Variants in TRHDE observed in about 807,000 individuals in gnomAD.
TRHDE encodes the protein thyrotropin releasing hormone degrading enzyme.
TRHDE carries 72 observed loss-of-function variants against 125.7 expected under a neutral mutation model. That is an observed-to-expected ratio of 0.57 (90% confidence interval 0.47 to 0.70). The LOEUF (loss-of-function observed/expected upper bound fraction) is 0.70. Among genes scored for constraint, TRHDE ranks in the 30% least tolerant of loss-of-function variants. The probability of loss-of-function intolerance (pLI) is 0.00; values close to 1 mark genes in which losing one functional copy is unlikely to be tolerated. For synonymous variants in TRHDE, 509 were observed against 509.1 expected, an observed-to-expected ratio of 1.00 and a Z score of 0.00; for missense variants, 1,110 against 1,327.1, an observed-to-expected ratio of 0.84 and a Z score of 2.54.
chr12:72,330,175 C>T (rs1869521260), intron 2 of TRHDE, among the ~76,000 whole-genome samples: 1 of 152,070 alleles, frequency 6.6e-6, no homozygotes, highest in South Asian at 2.1e-4. Context: ...ACAGGCAGTG[C>T]CCAAAATGCC....
intron 15 of TRHDE, among the ~76,000 whole-genome samples, chr12:72,647,574 A>G (rs1874333020): frequency 1.3e-5 from 2 of 152,018 alleles, no homozygotes; most frequent in Non-Finnish European, 2.9e-5. Flanking sequence ...TCAAATAAAA[A>G]CAGAAATGAA....
chr12:72,348,394 G>A (rs564475995), intron 2 of TRHDE, among the ~76,000 whole-genome samples: 16 of 151,808 alleles, frequency 1.1e-4, no homozygotes, highest in Non-Finnish European at 2.4e-4. Context: ...GCAGTTAATC[G>A]CTTTGATCCC....
chr12:72,261,572 T>C (rs1053144125), intron 2 of TRHDE, among the ~76,000 whole-genome samples: 3 of 152,202 alleles, frequency 2.0e-5, no homozygotes, highest in Non-Finnish European at 4.4e-5. Flanking sequence ...TTTTAGATAT[T>C]TATTGTTCAT....
intron 15 of TRHDE, among the ~76,000 whole-genome samples, chr12:72,639,306 A>C (rs1326464606): frequency 6.6e-6 from 1 of 151,600 alleles, no homozygotes; most frequent in African/African-American, 2.4e-5. Flanking sequence ...TCGGCTCCTG[A>C]GGCTTCTGCA....
chr12:72,337,774 C>A (rs1008721086), intron 2 of TRHDE, among the ~76,000 whole-genome samples: 2 of 151,854 alleles, frequency 1.3e-5, no homozygotes, highest in Non-Finnish European at 2.9e-5. Flanking sequence ...ACCTGCTGTT[C>A]CTAATATGCA....
At chr12:72,137,641 T>C (rs1876014278) in intron 2 of TRHDE, 2 of 152,214 alleles carry the variant, frequency 1.3e-5, no homozygotes, top group Admixed American at 1.3e-4. Flanking sequence ...TATTAATTTT[T>C]GTGCTCTTCT....
In TRHDE at chr12:72,519,747, G is replaced by C. The variant is rs1377418398; in HGVS notation, c.1722+20112G>C. On this transcript the variant is annotated intron_variant, in intron 6 of 18. Transcript: ENST00000261180. Reference sequence around the variant, plus strand: ...GCTTTTTAGAGTTTCCAGTTTTTCTGTTCTGTTTTTTCCCCATCTTTGTGG... The same window carrying C: ...GCTTTTTAGAGTTTCCAGTTTTTCTCTTCTGTTTTTTCCCCATCTTTGTGG... 2.0e-5 allele frequency among the ~76,000 whole-genome samples: 3 copies of C among 152,268 alleles called. No individual in the cohort carries two copies. In the South Asian group the frequency reaches 6.2e-4, roughly 32 times the overall value.
intron 2 of TRHDE, among the ~76,000 whole-genome samples, chr12:72,187,142 A>G (rs1378063686): frequency 6.6e-6 from 1 of 152,180 alleles, no homozygotes; most frequent in Non-Finnish European, 1.5e-5. Context: ...GTCATATAGG[A>G]TTAATTCATA....
intron 6 of TRHDE, among the ~76,000 whole-genome samples, chr12:72,519,577 C>G (rs895795239): frequency 6.6e-6 from 1 of 152,134 alleles, no homozygotes; most frequent in Admixed American, 6.5e-5. Context: ...AACTTCTTTG[C>G]CTTTGGTTTG....
At chr12:72,584,111 T>G (rs981762634) in intron 12 of TRHDE, among the ~76,000 whole-genome samples, 1 of 152,088 alleles carries the variant, frequency 6.6e-6, no homozygotes, top group African/African-American at 2.4e-5. Context: ...TAGATTGTGC[T>G]GCATTAAATC....
intron 6 of TRHDE, among the ~76,000 whole-genome samples, chr12:72,502,798 CTG>C (rs1341144806): frequency 6.6e-6 from 1 of 152,096 alleles, no homozygotes; most frequent in African/African-American, 2.4e-5. Flanking sequence ...ACATCTAAAA[CTG>C]TGGAGAAAAA....
intron 2 of TRHDE, among the ~76,000 whole-genome samples, chr12:72,347,669 T>C (rs1238141121): frequency 6.6e-6 from 1 of 152,014 alleles, no homozygotes; most frequent in Non-Finnish European, 1.5e-5. Flanking sequence ...CTTGCTGGCA[T>C]TGGCTGGAGG....
intron 3 of TRHDE, among the ~76,000 whole-genome samples, chr12:72,432,450 A>T (rs1874532891): frequency 6.6e-6 from 1 of 152,190 alleles, no homozygotes; most frequent in African/African-American, 2.4e-5. Flanking sequence ...ACCTTGTTTA[A>T]GATAAATTCC....
chr12:72,394,897 C>T (rs571670578), intron 3 of TRHDE, among the ~76,000 whole-genome samples: 2 of 152,202 alleles, frequency 1.3e-5, no homozygotes, highest in African/African-American at 4.8e-5. Flanking sequence ...TCATATTTCA[C>T]CAAATGGTGT....
chr12:72,373,348 T>C (rs1412200174), intron 2 of TRHDE, among the ~76,000 whole-genome samples: 1 of 152,202 alleles, frequency 6.6e-6, no homozygotes, highest in Non-Finnish European at 1.5e-5. Flanking sequence ...AGGGACAATT[T>C]GACTTCCTCT....
At chr12:72,275,083 T>C (rs1592512771) in intron 1 of TRHDE, among the ~76,000 whole-genome samples, 1 of 152,300 alleles carries the variant, frequency 6.6e-6, no homozygotes, top group East Asian at 1.9e-4. Flanking sequence ...TTTTCTCAGG[T>C]GATTCTCACA....
At chr12:72,300,449 T>A (rs1030314940) in intron 2 of TRHDE, among the ~76,000 whole-genome samples, 4 of 151,734 alleles carry the variant, frequency 2.6e-5, no homozygotes, top group African/African-American at 4.8e-5. Context: ...TGTGTATTTT[T>A]TATATATATG....
At chr12:72,225,546 A>C (rs1422762940) in intron 2 of TRHDE, among the ~76,000 whole-genome samples, 2 of 152,178 alleles carry the variant, frequency 1.3e-5, no homozygotes, top group Admixed American at 6.6e-5. Flanking sequence ...AAATTCATTC[A>C]AAAGCTTTTC....
intron 2 of TRHDE, among the ~76,000 whole-genome samples, chr12:72,369,380 G>A (rs1207514116): frequency 6.6e-6 from 1 of 152,138 alleles, no homozygotes; most frequent in East Asian, 1.9e-4. Flanking sequence ...GGCCAGTCAG[G>A]AAAGCAAAGA....
Sources: allele counts gnomAD v4.1 joint callset (sites outside exome capture counted in the v4.1 genomes callset), GRCh38; gene constraint gnomAD v4.1.1; transcripts MANE v1.5; gene names NCBI Gene and HGNC (gene_info 2026-07-23, HGNC 2026-07-21).